Variants in MAGT1 observed in about 807,000 individuals in gnomAD.
MAGT1 encodes dolichyl-diphosphooligosaccharide--protein glycosyltransferase subunit MAGT1.
Under a neutral mutation model 28.4 loss-of-function variants are expected in MAGT1, and 4 were observed. The observed-to-expected ratio is 0.14, with a 90% CI of 0.07 to 0.32. MAGT1 has a LOEUF of 0.32. Among genes scored for constraint, MAGT1 ranks in the 10% least tolerant of loss-of-function variants. The pLI is 1.00. For synonymous variants in MAGT1, 89 were observed against 89.7 expected (o/e 0.99, Z 0.04); for missense variants, 193 against 264.5 (o/e 0.73, Z 1.88).
rs1213261903 is a variant in MAGT1 at position 77,866,152 on chromosome X, T to TA, written c.390+4655dup. On this transcript the variant is annotated intron_variant, in intron 3 of 9. Coordinates refer to ENST00000618282, the MANE Select transcript of MAGT1 (RefSeq NM_001367916.1). ...GGTGACAGCAAGACTCCACCTCAAT[T>TA]AAAAAAAAAAAAAGAGTGCATCAAA... 1.6e-3 allele frequency among the ~76,000 whole-genome samples: 87 copies of TA among 55,723 alleles called. 9 individuals are homozygous for TA. Among genetic ancestry groups the TA allele is most frequent in the African/African-American group, 2.2e-3 (54 of 24,853 alleles). 48.4% of individuals were successfully genotyped at this position (55,723 alleles called of 115,157 possible). A position where few individuals can be genotyped will look rare whatever the true frequency, so the allele number is the denominator to read the frequency against.
intron 1 of MAGT1, among the ~76,000 whole-genome samples, chrX:77,883,193 T>C (rs1211738536): frequency 2.9e-5 from 3 of 103,975 alleles, no homozygotes; most frequent in Non-Finnish European, 5.8e-5. Context: ...CTATTGTGAG[T>C]AGTGCCGCAG....
chrX:77,884,926 G>A lies in MAGT1; in HGVS notation c.103-9329C>T, dbSNP rs782790972. On this transcript the variant is annotated intron_variant, in intron 1 of 9. Transcript: ENST00000618282. ...TCTCTACTAAAATTAGCCGGGCGCG[G>A]TGGCGGGTGCCTGTAGTCCCAGCTA... is the stretch of plus-strand genomic sequence containing the variant. Among the ~76,000 whole-genome samples, 320 of 109,192 alleles carry A rather than the reference G, an allele frequency of 2.9e-3. 2 individuals carry two copies. The highest frequency in any genetic ancestry group is 0.01 in the African/African-American group (306 of 29,990). 94.8% of individuals were successfully genotyped at this position (109,192 alleles called of 115,157 possible).
chrX:77,839,474 G>A (rs1419168821), intron 8 of MAGT1, among the ~76,000 whole-genome samples: 1 of 101,903 alleles, frequency 9.8e-6, no homozygotes, highest in East Asian at 3.2e-4. Flanking sequence ...CTCTCAACTA[G>A]CTGGGATAAC....
chrX:77,852,155 G>A (rs890336149), intron 7 of MAGT1, among the ~76,000 whole-genome samples: 17 of 109,042 alleles, frequency 1.6e-4, no homozygotes, highest in African/African-American at 5.7e-4. Flanking sequence ...TACCCGCCTT[G>A]GCCTCCCAAA....
chrX:77,883,731 G>A (rs1368396239), intron 1 of MAGT1, among the ~76,000 whole-genome samples: 3 of 107,089 alleles, frequency 2.8e-5, no homozygotes, highest in Non-Finnish European at 5.8e-5. Flanking sequence ...ACTAATTTTT[G>A]TAGAGACGGG....
intron 3 of MAGT1, chrX:77,868,624 G>A: frequency 3.3e-6 from 1 of 304,690 alleles, no homozygotes; most frequent in Middle Eastern, 9.1e-4. Context: ...GCAACAGAGC[G>A]AGACTCCATC....
intron 1 of MAGT1, among the ~76,000 whole-genome samples, chrX:77,880,849 C>T (rs902806295): frequency 3.8e-5 from 4 of 105,187 alleles, no homozygotes; most frequent in Admixed American, 1.1e-4. Flanking sequence ...TCCCAGCTAC[C>T]GGGGAGGCTG....
chrX:77,878,513 C>T (rs1164820067), intron 1 of MAGT1, among the ~76,000 whole-genome samples: 1 of 101,848 alleles, frequency 9.8e-6, no homozygotes, highest in African/African-American at 3.5e-5. Flanking sequence ...AAAAGCCAGG[C>T]GCAGTGGCTC....
intron 1 of MAGT1, among the ~76,000 whole-genome samples, chrX:77,881,638 C>T (rs995683885): frequency 9.0e-6 from 1 of 110,913 alleles, no homozygotes; most frequent in Non-Finnish European, 1.9e-5. Flanking sequence ...TGTATATGTG[C>T]CACATTTTCT....
At chrX:77,893,149 C>T (rs1557219622) in intron 1 of MAGT1, among the ~76,000 whole-genome samples, 2 of 111,683 alleles carry the variant, frequency 1.8e-5, no homozygotes, top group Non-Finnish European at 3.8e-5. Context: ...GGCCCTGTCT[C>T]CAAATAAATA....
intron 1 of MAGT1, among the ~76,000 whole-genome samples, chrX:77,884,430 A>G (rs1557218796): frequency 1.8e-5 from 2 of 111,289 alleles, no homozygotes; most frequent in African/African-American, 3.3e-5. Flanking sequence ...AAACGACACT[A>G]TAAGGTAAGT....
At position 77,829,144 on chromosome X, in the gene MAGT1, T is replaced by G; in HGVS notation, c.*76A>C. The stretch of plus-strand genomic sequence containing the variant: ...GGTAATACAAAATATACAAGTTGCA[T>G]TCTTCTTTTCAAACACACACGATTT... On this transcript the variant is annotated 3_prime_UTR_variant, in exon 10 of 10. Coordinates refer to ENST00000618282, the MANE Select transcript of MAGT1 (RefSeq NM_001367916.1). 2 of 867,557 alleles carry G rather than the reference T, an allele frequency of 2.3e-6. No homozygotes were observed. The highest frequency in any genetic ancestry group is 4.5e-5 in the Admixed American group (2 of 44,437). The allele number at this position is 867,557 out of a possible 1,213,427, so 71.5% of individuals were successfully genotyped here.
intron 3 of MAGT1, among the ~76,000 whole-genome samples, chrX:77,863,709 C>T (rs781847921): frequency 5.4e-5 from 6 of 111,501 alleles, no homozygotes; most frequent in Non-Finnish European, 7.5e-5. Context: ...CATCAACAGA[C>T]GAACAGATCA....
chrX:77,874,565 C>T (rs1318017850), intron 2 of MAGT1, among the ~76,000 whole-genome samples: 1 of 101,767 alleles, frequency 9.8e-6, no homozygotes, highest in African/African-American at 3.6e-5. Flanking sequence ...CACTGCACTC[C>T]AGCCTGGGTG....
intron 1 of MAGT1, among the ~76,000 whole-genome samples, chrX:77,883,067 T>A (rs1193174188): frequency 1.0e-5 from 1 of 99,443 alleles, no homozygotes; most frequent in Non-Finnish European, 2.0e-5. Context: ...AATATAATAA[T>A]ATAATATAAT....
chrX:77,872,371 A>G (rs929039312), intron 2 of MAGT1, among the ~76,000 whole-genome samples: 19 of 111,703 alleles, frequency 1.7e-4, no homozygotes, highest in Admixed American at 1.3e-3. Context: ...TGCAATATAC[A>G]TCCATCTTCC....
chrX:77,841,178 G>A, intron 8 of MAGT1, 68 bp downstream of exon 8: 1 of 839,957 alleles, frequency 1.2e-6, no homozygotes, highest in Admixed American at 2.3e-5. Context: ...AAGAGGAAAA[G>A]TGATTAAGAG....
rs781833134 is a variant in MAGT1 at position 77,856,798 on chromosome X, C to T, written c.607G>A (p.Val203Met). Residue 203 changes from valine to methionine, a missense_variant, in exon 5 of 10, where the codon GTG (valine) becomes ATG (methionine). By Grantham distance (21) the Val-to-Met change is conservative. Transcript: ENST00000618282. Reference protein sequence around the residue: ...GLLLAVIGGLVYLRRSNMEFL... With the variant: ...GLLLAVIGGLMYLRRSNMEFL... The stretch of plus-strand genomic sequence containing the variant: ...TCCATATTACTTCTTCGAAGATACA[C>T]AAGTCCACCAATAACAGCCAAAAGC... The T allele has an allele frequency of 5.8e-6, 7 of 1,204,717 alleles. No homozygotes were observed. Among genetic ancestry groups the T allele is most frequent in the Non-Finnish European group, 7.9e-6 (7 of 889,343 alleles).
rs1284522925 is a variant in MAGT1, at chrX:77,876,450, A to C, written c.103-853T>G. Among the ~76,000 whole-genome samples the C allele has an allele frequency of 3.6e-5, 4 of 110,372 alleles. No homozygotes were observed. In the East Asian group the frequency reaches 1.1e-3, roughly 31 times the overall value. ...AAAACATACAGTGAAAATCTTGAAAATAAAGAGTAAAGTGGGAGGAATCAC... is the reference window on the plus strand; with the variant it reads ...AAAACATACAGTGAAAATCTTGAAACTAAAGAGTAAAGTGGGAGGAATCAC... On this transcript the variant is annotated intron_variant, in intron 1 of 9. Transcript: ENST00000618282.
Sources: allele counts gnomAD v4.1 joint callset (sites outside exome capture counted in the v4.1 genomes callset), GRCh38; gene constraint gnomAD v4.1.1; transcripts MANE v1.5; gene names NCBI Gene and HGNC (gene_info 2026-07-23, HGNC 2026-07-21).